The following NALF1 variants were observed in gnomAD, a reference collection of about 807,000 sequenced individuals.
The protein encoded by NALF1 is family with sequence similarity 155 member A.
Under a neutral mutation model 48.4 loss-of-function variants are expected in NALF1, and 3 were observed. That is an observed-to-expected ratio of 0.06 (90% CI 0.03 to 0.16). The LOEUF (loss-of-function observed/expected upper bound fraction) is 0.16. Among genes scored for constraint, NALF1 ranks in the 10% least tolerant of loss-of-function variants. The pLI is 1.00. For missense variants in NALF1, 526 were observed against 571.5 expected (o/e 0.92, Z 0.81); for synonymous variants, 262 against 245.7 (o/e 1.07, Z -0.62).
At position 107,381,000 on chromosome 13, in the gene NALF1, A is replaced by T. The variant is rs1052139629; in HGVS notation, c.916-170245T>A. 2.7e-5 allele frequency among the ~76,000 whole-genome samples: 4 copies of T among 150,242 alleles called. No homozygotes were observed. The Admixed American group carries it at 2.7e-4, about 10-fold the overall frequency. On this transcript the variant is annotated intron_variant, in intron 1 of 2. Transcript: ENST00000375915. Reference sequence around the variant, plus strand: ...CTCAAAAAAAAAAAAAAAAAAGAATACATACATTTTAGTAGAACTGGTTTA... The same window carrying T: ...CTCAAAAAAAAAAAAAAAAAAGAATTCATACATTTTAGTAGAACTGGTTTA...
intron 1 of NALF1, among the ~76,000 whole-genome samples, chr13:107,381,203 AG>A (rs1043212574): frequency 6.8e-6 from 1 of 147,358 alleles, no homozygotes; most frequent in African/African-American, 2.5e-5. Context: ...AAAAAAATAG[AG>A]TTTTTTTTTT....
At chr13:107,617,618 C>A (rs776852804) in intron 1 of NALF1, among the ~76,000 whole-genome samples, 3 of 152,178 alleles carry the variant, frequency 2.0e-5, no homozygotes, top group Non-Finnish European at 4.4e-5. Context: ...CAACAACTAA[C>A]TCAAAAGCCA....
intron 1 of NALF1, among the ~76,000 whole-genome samples, chr13:107,579,424 G>C (rs1301613535): frequency 1.3e-5 from 2 of 152,098 alleles, no homozygotes; most frequent in Non-Finnish European, 2.9e-5. Flanking sequence ...TATCCATTCA[G>C]GTCTTCCTGA....
chr13:107,773,887 A>G (rs957803851), intron 1 of NALF1, among the ~76,000 whole-genome samples: 8 of 152,198 alleles, frequency 5.3e-5, no homozygotes, highest in Admixed American at 4.6e-4. Context: ...ATAATAATAA[A>G]AAAATAAAAT....
At chr13:107,721,109 TACACACACACACACACACACAC>T (rs66578211) in intron 1 of NALF1, among the ~76,000 whole-genome samples, 2 of 143,836 alleles carry the variant, frequency 1.4e-5, no homozygotes, top group African/African-American at 2.6e-5. Context: ...CAGATCTCAA[TACACACACACACACACACACAC>T]ACACACACAC....
At chr13:107,637,801 A>G (rs1880018494) in intron 1 of NALF1, among the ~76,000 whole-genome samples, 1 of 152,120 alleles carries the variant, frequency 6.6e-6, no homozygotes, top group Admixed American at 6.6e-5. Flanking sequence ...GAAACTGAGT[A>G]ATGATCTAGA....
intron 2 of NALF1, among the ~76,000 whole-genome samples, chr13:107,185,604 C>A (rs368606957): frequency 6.6e-6 from 1 of 151,992 alleles, no homozygotes; most frequent in Admixed American, 6.6e-5. Context: ...TCCTATGTTG[C>A]CCTCTTTCTC....
At chr13:107,368,042 AT>A (rs1883182394) in intron 1 of NALF1, among the ~76,000 whole-genome samples, 1 of 152,190 alleles carries the variant, frequency 6.6e-6, no homozygotes, top group African/African-American at 2.4e-5. Flanking sequence ...TGTATATAAA[AT>A]ATGTGGTTCT....
chr13:107,594,920 A>T (rs1878699450), intron 1 of NALF1, among the ~76,000 whole-genome samples: 1 of 152,150 alleles, frequency 6.6e-6, no homozygotes, highest in African/African-American at 2.4e-5. Flanking sequence ...AGGAAAAAAG[A>T]AAATTTTGGC....
intron 1 of NALF1, among the ~76,000 whole-genome samples, chr13:107,291,543 A>G (rs1477929839): frequency 1.3e-5 from 2 of 152,066 alleles, no homozygotes; most frequent in African/African-American, 2.4e-5. Context: ...TCCCTGAACT[A>G]TATCTCATTA....
chr13:107,256,601 T>G (rs1880820454), intron 1 of NALF1, among the ~76,000 whole-genome samples: 1 of 152,172 alleles, frequency 6.6e-6, no homozygotes, highest in Admixed American at 6.5e-5. Context: ...ACTTGACAAA[T>G]GAGTAAAGTT....
intron 1 of NALF1, among the ~76,000 whole-genome samples, chr13:107,744,228 G>A (rs1246165737): frequency 2.6e-5 from 4 of 152,144 alleles, no homozygotes; most frequent in South Asian, 4.1e-4. Flanking sequence ...CCTCTGAGAC[G>A]CAAGAATTTT....
chr13:107,195,801 T>C (rs541077045), intron 2 of NALF1, among the ~76,000 whole-genome samples: 1 of 152,310 alleles, frequency 6.6e-6, no homozygotes, highest in Non-Finnish European at 1.5e-5. Context: ...AAAAATATTA[T>C]ACAAGAGAAA....
chr13:107,302,158 T>A (rs1380521673), intron 1 of NALF1, among the ~76,000 whole-genome samples: 1 of 152,124 alleles, frequency 6.6e-6, no homozygotes, highest in Non-Finnish European at 1.5e-5. Context: ...GCTCGCAAGC[T>A]CAGCCCCTGC....
intron 1 of NALF1, among the ~76,000 whole-genome samples, chr13:107,257,350 T>C (rs1192408909): frequency 2.0e-5 from 3 of 152,190 alleles, no homozygotes; most frequent in Non-Finnish European, 2.9e-5. Flanking sequence ...TCTCCTCCCA[T>C]GGGGCATAAA....
chr13:107,217,544 T>C (rs561715862), intron 1 of NALF1, among the ~76,000 whole-genome samples: 1 of 152,290 alleles, frequency 6.6e-6, no homozygotes, highest in South Asian at 2.1e-4. Flanking sequence ...TCTCTCTCTC[T>C]CTTTCTCTGT....
chr13:107,583,190 A>G (rs1353103118), intron 1 of NALF1, among the ~76,000 whole-genome samples: 2 of 152,192 alleles, frequency 1.3e-5, no homozygotes, highest in East Asian at 3.9e-4. Context: ...GACATATAAC[A>G]TTATGCTATT....
intron 1 of NALF1, among the ~76,000 whole-genome samples, chr13:107,479,899 AG>A (rs1885228589): frequency 6.6e-6 from 1 of 152,118 alleles, no homozygotes; most frequent in Admixed American, 6.6e-5. Flanking sequence ...AGTCACACAC[AG>A]TTACTTCCAT....
At chr13:107,820,200 T>C (rs75367544) in intron 1 of NALF1, among the ~76,000 whole-genome samples, 5,009 of 152,288 alleles carry the variant, frequency 0.033, 315 homozygotes, top group African/African-American at 0.12. Context: ...GTGCCACAGA[T>C]AGTATTCTGC....
Sources: allele counts gnomAD v4.1 joint callset (sites outside exome capture counted in the v4.1 genomes callset), GRCh38; gene constraint gnomAD v4.1.1; transcripts MANE v1.5; gene names NCBI Gene and HGNC (gene_info 2026-07-23, HGNC 2026-07-21).